Variants in RBL2 observed in about 807,000 individuals in gnomAD.
The protein encoded by RBL2 is retinoblastoma-like protein 2.
Under a neutral mutation model 126.0 loss-of-function variants are expected in RBL2, and 56 were observed. The ratio of observed to expected loss-of-function variants is 0.44; its 90% CI spans 0.36 to 0.56. RBL2 has a LOEUF of 0.56. Ranked by LOEUF, RBL2 falls within the 20% of genes least tolerant of loss-of-function variation. RBL2 has a pLI of 0.00. For synonymous variants in RBL2, 454 were observed against 478.5 expected, an observed-to-expected ratio of 0.95 and a Z score of 0.67; for missense variants, 1,229 against 1,398.2, an observed-to-expected ratio of 0.88 and a Z score of 1.93.
intron 1 of RBL2, chr16:53,435,721 T>G: frequency 7.8e-7 from 1 of 1,289,006 alleles, no homozygotes; most frequent in Non-Finnish European, 1.0e-6. Context: ...GGCAAATAGG[T>G]CCAGGATGCA....
chr16:53,439,679 T>A (rs147053191), intron 2 of RBL2, among the ~76,000 whole-genome samples: 1 of 152,312 alleles, frequency 6.6e-6, no homozygotes, highest in Non-Finnish European at 1.5e-5. Flanking sequence ...ATTGATTACA[T>A]TTATTTTTTG....
At chr16:53,441,489 T>C (rs1211751897) in intron 2 of RBL2, among the ~76,000 whole-genome samples, 2 of 152,156 alleles carry the variant, frequency 1.3e-5, no homozygotes, top group Admixed American at 1.3e-4. Flanking sequence ...GGTTGGGGAG[T>C]GAATGCAAAA....
rs2058280454 is a variant in RBL2, at chr16:53,467,184, C to T, written c.1975+15C>T. 1.3e-6 allele frequency: 2 copies of T among 1,576,766 alleles called. No homozygotes were observed. The highest frequency in any genetic ancestry group is 2.2e-5 in the South Asian group (2 of 89,638). On this transcript the variant is annotated intron_variant, in intron 14 of 21. Transcript: ENST00000262133. ...ACTTGGAAGGAGTAAGTTTAAAATA[C>T]TAGGAGAATATTTTGGGGCTTACTA...
At chr16:53,482,147 T>C (rs1960978681) in intron 21 of RBL2, among the ~76,000 whole-genome samples, 1 of 152,230 alleles carries the variant, frequency 6.6e-6, no homozygotes, top group Non-Finnish European at 1.5e-5. Flanking sequence ...TCCACATTTG[T>C]TAGGGAAAGA....
At chr16:53,474,175 G>C (rs879398578) in intron 17 of RBL2, among the ~76,000 whole-genome samples, 3 of 151,992 alleles carry the variant, frequency 2.0e-5, no homozygotes, top group Non-Finnish European at 2.9e-5. Flanking sequence ...TAAATTTTTT[G>C]TAGACAGGGT....
At chr16:53,476,616 A>C (rs1960735380) in intron 17 of RBL2, among the ~76,000 whole-genome samples, 1 of 152,164 alleles carries the variant, frequency 6.6e-6, no homozygotes, top group African/African-American at 2.4e-5. Context: ...TGAATTGTCT[A>C]CTTTTCCCTT....
intron 14 of RBL2, 120 bp from the exon 15 acceptor site, chr16:53,469,796 G>T: frequency 8.4e-7 from 1 of 1,189,660 alleles, no homozygotes. Context: ...ATTCTTGTTT[G>T]CTTTTTGAAT....
At chr16:53,461,563 C>T (rs2058221319) in intron 9 of RBL2, among the ~76,000 whole-genome samples, 178 bp from the exon 10 acceptor site, 1 of 150,130 alleles carries the variant, frequency 6.7e-6, no homozygotes, top group Non-Finnish European at 1.5e-5. Context: ...TTCATTCAAA[C>T]TGGTAATACC....
intron 3 of RBL2, among the ~76,000 whole-genome samples, chr16:53,444,064 C>G (rs931890105): frequency 1.3e-5 from 2 of 151,964 alleles, no homozygotes; most frequent in African/African-American, 4.8e-5. Context: ...GCCTGGCCAA[C>G]GTGGCAAAAC....
chr16:53,486,471 C>T (rs770720367), intron 21 of RBL2, among the ~76,000 whole-genome samples: 1 of 152,174 alleles, frequency 6.6e-6, no homozygotes, highest in Non-Finnish European at 1.5e-5. Context: ...CAGATGGCTT[C>T]ATTGGTAAAT....
intron 4 of RBL2, among the ~76,000 whole-genome samples, chr16:53,450,034 T>G (rs2058100245): frequency 6.7e-6 from 1 of 149,986 alleles, no homozygotes. Context: ...TGTGATGGGC[T>G]TTGTAGCTTG....
chr16:53,435,527 A>T, intron 1 of RBL2: 1 of 1,174,778 alleles, frequency 8.5e-7, no homozygotes. Flanking sequence ...GGGCTTGCAG[A>T]TGAGAAAAAT....
intron 7 of RBL2, 23 bp from the exon 8 acceptor site, chr16:53,454,633 G>T (rs1244957258): frequency 6.5e-7 from 1 of 1,549,606 alleles, no homozygotes; most frequent in Non-Finnish European, 8.8e-7. Flanking sequence ...AGTACATTTT[G>T]TCTGTATTTG....
chr16:53,443,486 T>C (rs1387615179), intron 3 of RBL2, among the ~76,000 whole-genome samples: 2 of 152,196 alleles, frequency 1.3e-5, no homozygotes, highest in Non-Finnish European at 2.9e-5. Flanking sequence ...AGAGACTGGA[T>C]TGGGAAAAGA....
intron 18 of RBL2, chr16:53,479,536 C>T: frequency 4.2e-6 from 2 of 481,630 alleles, no homozygotes; most frequent in Non-Finnish European, 3.7e-6. Flanking sequence ...GTAGGTTTAA[C>T]CAACAGAATG....
At chr16:53,447,387 A>G (rs1010225797) in intron 4 of RBL2, among the ~76,000 whole-genome samples, 2 of 152,140 alleles carry the variant, frequency 1.3e-5, no homozygotes, top group Non-Finnish European at 2.9e-5. Context: ...ATGAGCTGAA[A>G]ACACATTATT....
chr16:53,452,789 C>T (rs1179961597), intron 5 of RBL2, among the ~76,000 whole-genome samples: 1 of 152,036 alleles, frequency 6.6e-6, no homozygotes, highest in Non-Finnish European at 1.5e-5. Flanking sequence ...ATCTCAGCCT[C>T]CCAGGTAGCT....
intron 17 of RBL2, among the ~76,000 whole-genome samples, chr16:53,475,457 C>T (rs1406123075): frequency 6.6e-6 from 1 of 152,198 alleles, no homozygotes; most frequent in East Asian, 1.9e-4. Flanking sequence ...CTCAAGCGAT[C>T]CATCCACCTT....
chr16:53,449,608 A>G (rs1393538976), intron 4 of RBL2: 2 of 149,222 alleles, frequency 1.3e-5, no homozygotes, highest in Admixed American at 1.3e-4. Context: ...AAAAAAAAAG[A>G]AACTTGGTCC....
Sources: allele counts gnomAD v4.1 joint callset (sites outside exome capture counted in the v4.1 genomes callset), GRCh38; gene constraint gnomAD v4.1.1; transcripts MANE v1.5; gene names NCBI Gene and HGNC (gene_info 2026-07-23, HGNC 2026-07-21).